The following MTMR12 variants were observed in gnomAD, a reference collection of about 807,000 sequenced individuals.
The protein encoded by MTMR12 is myotubularin related protein 12, also known as myotubularin-related protein 12.
In MTMR12, 33 loss-of-function variants were observed where a neutral mutation model predicts 96.7. That is an observed-to-expected ratio of 0.34 (90% CI 0.26 to 0.46). The LOEUF (loss-of-function observed/expected upper bound fraction) is 0.46, where lower values mean the gene tolerates loss of function less well. Ranked by LOEUF, MTMR12 falls within the 20% of genes least tolerant of loss-of-function variation. The probability of loss-of-function intolerance (pLI) is 1.00; values close to 1 mark genes in which losing one functional copy is unlikely to be tolerated. For synonymous variants in MTMR12, 298 were observed against 327.2 expected (o/e 0.91, Z 0.96); for missense variants, 721 against 896.1 (o/e 0.80, Z 2.49).
intron 6 of MTMR12, among the ~76,000 whole-genome samples, chr5:32,266,854 A>T (rs1338868441): frequency 4.6e-5 from 7 of 151,404 alleles, no homozygotes; most frequent in African/African-American, 9.8e-5. Context: ...CCAAGGCAGG[A>T]GGATCACGAG....
chr5:32,254,270 C>T (rs144732888), intron 8 of MTMR12, among the ~76,000 whole-genome samples: 168 of 152,290 alleles, frequency 1.1e-3, no homozygotes, highest in African/African-American at 3.6e-3. Context: ...TTCATAATAA[C>T]GCTAAGATAT....
rs556366647 is a variant in MTMR12 at position 32,281,096 on chromosome 5, A to T, written c.82-4354T>A. 8.6e-5 allele frequency among the ~76,000 whole-genome samples: 13 copies of T among 151,826 alleles called. No individual in the cohort carries two copies. The East Asian group carries it at 2.3e-3, about 27-fold the overall frequency. On this transcript the variant is annotated intron_variant, in intron 1 of 15. Transcript: ENST00000382142. The stretch of plus-strand genomic sequence containing the variant: ...AACCACGTCTCTACTGAAAATACAA[A>T]AATTGGCAGGATGCGGCAGCATGTG...
intron 1 of MTMR12, among the ~76,000 whole-genome samples, chr5:32,282,222 A>G (rs1750325897): frequency 6.6e-6 from 1 of 151,946 alleles, no homozygotes. Context: ...CTCTACTAAA[A>G]ATACAAAAAA....
In MTMR12 at chr5:32,230,251, G is replaced by A. The variant is rs151137630; in HGVS notation, c.1771C>T (p.Leu591=). 2.1e-5 allele frequency: 34 copies of A among 1,614,072 alleles called. No individual in the cohort carries two copies. The highest frequency in any genetic ancestry group is 2.9e-5 in the Non-Finnish European group (34 of 1,180,018). The change falls in exon 16 of 16, where the codon CTG becomes TTG. Residue 591 remains leucine, a synonymous_variant. Coordinates refer to ENST00000382142, the MANE Select transcript of MTMR12 (RefSeq NM_001040446.3). ...ATAAGTTTGCTAATTCTCTTGCCCA[G>A]AAGGTTTTTAATTAAATGATCTGTT... is the stretch of plus-strand genomic sequence containing the variant. ...EETDHLIKNL[L]GKRISKLINS... is the part of the protein sequence containing the mutation.
intron 1 of MTMR12, among the ~76,000 whole-genome samples, chr5:32,281,535 T>A (rs1750293539): frequency 6.6e-6 from 1 of 152,194 alleles, no homozygotes; most frequent in African/African-American, 2.4e-5. Context: ...TCATTATGCA[T>A]CTTATCTTTT....
At position 32,234,999 on chromosome 5, in the gene MTMR12, A is replaced by G; in HGVS notation, c.1475T>C (p.Phe492Ser). The G allele has an allele frequency of 1.9e-6, 3 of 1,613,780 alleles. No individual in the cohort carries two copies. Among genetic ancestry groups the G allele is most frequent in the Non-Finnish European group, 2.5e-6 (3 of 1,179,678 alleles). ...TTTTTGATGAGGTGAATTGAAGAAG[A>G]AGGTGCTAAAAATAGGTATATACAG... is the stretch of plus-strand genomic sequence containing the variant. The part of the protein sequence containing the change: ...DSLYIPIFST[F>S]FFNSPHQKDT... The change falls in exon 14 of 16, where the codon TTC becomes TCC. Residue 492 changes from phenylalanine (F) to serine (S), a missense_variant. Physicochemically the swap from Phe to Ser is radical, Grantham distance 155 (BLOSUM62 -2). Transcript: ENST00000382142.
At chr5:32,251,216 C>T (rs187888407) in intron 8 of MTMR12, among the ~76,000 whole-genome samples, 2,158 of 152,008 alleles carry the variant, frequency 0.014, 56 homozygotes, top group African/African-American at 0.049. Flanking sequence ...CCACTACGCC[C>T]GGCTAATTTT....
intron 15 of MTMR12, among the ~76,000 whole-genome samples, chr5:32,231,738 A>G (rs1748004658): frequency 6.6e-6 from 1 of 152,224 alleles, no homozygotes; most frequent in Admixed American, 6.5e-5. Context: ...ATCCAGGGTC[A>G]GGAAAGATGA....
intron 1 of MTMR12, among the ~76,000 whole-genome samples, chr5:32,290,643 T>C (rs1439599701): frequency 6.6e-6 from 1 of 152,186 alleles, no homozygotes; most frequent in Non-Finnish European, 1.5e-5. Context: ...GAAAAGGAGA[T>C]GGCTCTGTAA....
intron 8 of MTMR12, 133 bp downstream of exon 8, chr5:32,255,560 C>T: frequency 1.2e-6 from 1 of 818,340 alleles, no homozygotes; most frequent in Non-Finnish European, 1.9e-6. Flanking sequence ...TAGGGAGTCC[C>T]TAAGATATTT....
Position 32,270,934 on chromosome 5 carries a change from T to C in MTMR12, c.372A>G (p.Lys124=). Residue 124 remains lysine (K), a synonymous_variant, in exon 5 of 16, where the codon AAA becomes AAG. Transcript: ENST00000382142. ...VDQIYGVFDE[K]KKTLFGQLKK... is the part of the protein sequence containing the mutation. ...TCAGTTGTCCAAAGAGAGTTTTCTT[T>C]TTCTCATCAAACACTACAGATCAGC... is the stretch of plus-strand genomic sequence containing the variant. The C allele has an allele frequency of 6.2e-7, 1 of 1,613,544 alleles. No individual in the cohort carries two copies. The highest frequency in any genetic ancestry group is 8.5e-7 in the Non-Finnish European group (1 of 1,179,810).
chr5:32,299,833 C>T lies in MTMR12; in HGVS notation c.81+12925G>A, dbSNP rs541435003. 7.2e-5 allele frequency among the ~76,000 whole-genome samples: 11 copies of T among 152,316 alleles called. No homozygotes were observed. In the South Asian group the frequency reaches 1.9e-3, roughly 26 times the overall value. On this transcript the variant is annotated intron_variant, in intron 1 of 15. Coordinates refer to ENST00000382142, the MANE Select transcript of MTMR12 (RefSeq NM_001040446.3). The stretch of plus-strand genomic sequence containing the variant: ...ATAAGAGATGGGGAAAGATGTCACC[C>T]AGTCCTAACACAGCTATGAGCCTTT...
chr5:32,311,348 G>A (rs915086279), intron 1 of MTMR12, among the ~76,000 whole-genome samples: 2 of 152,176 alleles, frequency 1.3e-5, no homozygotes, highest in Admixed American at 6.5e-5. Flanking sequence ...GAAATGGTTT[G>A]TATTTTACAA....
At chr5:32,242,202 A>T (rs763087473) in intron 11 of MTMR12, 75 bp from the exon 12 acceptor site, 66 of 1,072,304 alleles carry the variant, frequency 6.2e-5, no homozygotes, top group Non-Finnish European at 6.6e-5. Context: ...TAGTTGAGAG[A>T]GAGTCTGACT....
chr5:32,270,857 T>C lies in MTMR12; in HGVS notation c.449A>G (p.Gln150Arg). The change falls in exon 5 of 16, where the codon CAG (glutamine) becomes CGG (arginine). Residue 150 changes from glutamine (Q) to arginine (R), a missense_variant. Coordinates refer to ENST00000382142, the MANE Select transcript of MTMR12 (RefSeq NM_001040446.3). ...IIHCKDLRVF[Q>R]FCLRYTKEEE... is the part of the protein sequence containing the mutation. Reference sequence around the variant, plus strand: ...TTCCTTTGTGTACCTCAGACAAAACTGGAACACTCGAAGGTCTTTGCAGTG... The same window carrying C: ...TTCCTTTGTGTACCTCAGACAAAACCGGAACACTCGAAGGTCTTTGCAGTG... The C allele has an allele frequency of 6.2e-7, 1 of 1,613,928 alleles. No individual in the cohort carries two copies. The highest frequency in any genetic ancestry group is 1.3e-5 in the African/African-American group (1 of 75,046).
chr5:32,233,191 T>C lies in MTMR12; in HGVS notation c.1674+582A>G, dbSNP rs143071243. On this transcript the variant is annotated intron_variant, in intron 15 of 15. Transcript: ENST00000382142. This position sits in a 1 kb window ranked among gnomAD's most constrained non-coding sequence, Gnocchi z 5.0. ...AACACTGGAACACAGCTATGCCTAC[T>C]TGTTCACCTACTAAGGCTCCTTTTT... 6.2e-3 allele frequency among the ~76,000 whole-genome samples: 945 copies of C among 151,814 alleles called. 36 individuals carry two copies. Among genetic ancestry groups the C allele is most frequent in the Admixed American group, 0.057 (873 of 15,244 alleles).
chr5:32,266,810 T>C (rs1296168823), intron 6 of MTMR12, among the ~76,000 whole-genome samples: 2 of 151,942 alleles, frequency 1.3e-5, no homozygotes, highest in African/African-American at 2.4e-5. Flanking sequence ...CCGGGCGAGC[T>C]GGCTCATACC....
At chr5:32,275,208 A>C (rs1162260584) in intron 2 of MTMR12, among the ~76,000 whole-genome samples, 1 of 152,120 alleles carries the variant, frequency 6.6e-6, no homozygotes, top group East Asian at 1.9e-4. Context: ...GGGGTTAATT[A>C]CCTCTGGCTG....
chr5:32,271,200 C>T (rs1191895238), intron 4 of MTMR12, among the ~76,000 whole-genome samples: 2 of 152,164 alleles, frequency 1.3e-5, no homozygotes, highest in Non-Finnish European at 2.9e-5. Context: ...GTTGGCAGAA[C>T]TGATTCCAGT....
Sources: gnomAD v4.1 joint callset for allele counts (sites outside exome capture counted in the v4.1 genomes callset) on GRCh38, gnomAD v4.1.1 for gene constraint, Gnocchi (gnomAD v3.1) non-coding constraint, MANE v1.5 for transcripts, NCBI Gene and HGNC (gene_info 2026-07-23, HGNC 2026-07-21) for gene names.